Variants in TMEM176B observed in about 807,000 individuals in gnomAD.
TMEM176B encodes the protein transmembrane protein 176B.
Under a neutral mutation model 30.3 loss-of-function variants are expected in TMEM176B, and 28 were observed. That is an observed-to-expected ratio of 0.92 (90% CI 0.68 to 1.27). TMEM176B has a LOEUF of 1.27. Among genes scored for constraint, TMEM176B ranks in the 50% most tolerant of loss-of-function variants. The pLI is 0.00. For missense variants in TMEM176B, 349 were observed against 327.4 expected (o/e 1.07, Z -0.51); for synonymous variants, 123 against 130.3 (o/e 0.94, Z 0.38).
At chr7:150,799,886 C>A (rs767187858) in intron 1 of TMEM176B, 90 of 152,624 alleles carry the variant, frequency 5.9e-4, no homozygotes, top group Non-Finnish European at 3.1e-4. Context: ...GCGGGCCGCC[C>A]GACGCCTGGT....
Position 150,791,479 on chromosome 7 carries a change from C to G in TMEM176B, c.*52G>C, listed in dbSNP as rs1335221277. ...GTGTGAGGAGCCAGGAGTGGGGGCC[C>G]TGGGCTGCCCTAGACAGGGACATGC... On this transcript the variant is annotated 3_prime_UTR_variant, in exon 7 of 7. Coordinates refer to ENST00000326442, the MANE Select transcript of TMEM176B (RefSeq NM_001101312.2). The G allele has an allele frequency of 1.3e-6, 2 of 1,531,362 alleles. No homozygotes were observed. Among genetic ancestry groups the G allele is most frequent in the Non-Finnish European group, 1.8e-6 (2 of 1,116,112 alleles). The allele number at this position is 1,531,362 out of a possible 1,614,324, so 94.9% of individuals were successfully genotyped here.
At chr7:150,792,242 C>T in intron 5 of TMEM176B, 67 bp from the exon 6 acceptor site, 9 of 1,589,318 alleles carry the variant, frequency 5.7e-6, no homozygotes, top group Admixed American at 1.7e-5. Flanking sequence ...CATCACCACC[C>T]TCTCCACCCA....
intron 1 of TMEM176B, among the ~76,000 whole-genome samples, chr7:150,799,010 C>A (rs747080380): frequency 6.6e-6 from 1 of 152,094 alleles, no homozygotes; most frequent in African/African-American, 2.4e-5. Flanking sequence ...AGGACTTCCC[C>A]GTTTCGAGAT....
chr7:150,792,194 C>G lies in TMEM176B; in HGVS notation c.601-19G>C. 6.2e-7 allele frequency: 1 copy of G among 1,611,658 alleles called. No individual in the cohort carries two copies. The highest frequency in any genetic ancestry group is 8.5e-7 in the Non-Finnish European group (1 of 1,178,766). On this transcript the variant is annotated intron_variant, in intron 5 of 6. Transcript: ENST00000326442. ...ACAACTTCTGGAGATAAGGGAAGAACAAAGATAGTCAGGTGTCAGCTACTC... is the reference window on the plus strand; with the variant it reads ...ACAACTTCTGGAGATAAGGGAAGAAGAAAGATAGTCAGGTGTCAGCTACTC...
At chr7:150,792,301 T>C in intron 5 of TMEM176B, 126 bp from the exon 6 acceptor site, 1 of 1,288,710 alleles carries the variant, frequency 7.8e-7, no homozygotes, top group Admixed American at 2.2e-5. Flanking sequence ...CAGCTGACTG[T>C]GTTTCCAGCC....
intron 1 of TMEM176B, among the ~76,000 whole-genome samples, chr7:150,798,817 C>CGTTTT (rs1010648034): frequency 6.6e-6 from 1 of 151,998 alleles, no homozygotes; most frequent in Non-Finnish European, 1.5e-5. Flanking sequence ...GTCCTTGTTT[C>CGTTTT]GTTTTGTTTT....
chr7:150,797,560 C>G (rs1356745424), intron 1 of TMEM176B, among the ~76,000 whole-genome samples: 1 of 152,154 alleles, frequency 6.6e-6, no homozygotes, highest in Non-Finnish European at 1.5e-5. Context: ...TGACACAAGT[C>G]CAGGGTTAGA....
chr7:150,793,954 TACTC>T lies in TMEM176B; in HGVS notation c.315+3_315+6del, dbSNP rs1798418726. ...CCCTCCAGGCTCACAGCCTGTTCCT[TACTC>T]ACCACAGACCCCGCCCAGAAGGCAC... On this transcript the variant is annotated splice_donor_5th_base_variant and intron_variant, in intron 3 of 6. Transcript: ENST00000326442. 1.3e-6 allele frequency: 2 copies of T among 1,591,172 alleles called. No homozygotes were observed. Among genetic ancestry groups the T allele is most frequent in the East Asian group, 4.5e-5 (2 of 44,810 alleles).
chr7:150,794,028 A>T lies in TMEM176B; in HGVS notation c.248T>A (p.Val83Glu), dbSNP rs760262322. The change falls in exon 3 of 7, where the codon GTG becomes GAG. Residue 83 changes from valine to glutamate, a missense_variant. Coordinates refer to ENST00000326442, the MANE Select transcript of TMEM176B (RefSeq NM_001101312.2). ...LLGVVSCVLG[V>E]CLSLGPWTVL... is the part of the protein sequence containing the mutation. ...AGTCCAGGGCCCCAAGCTGAGACAC[A>T]CTCCAAGAACACAACTCACAACCCC... The T allele has an allele frequency of 6.2e-7, 1 of 1,613,860 alleles. No individual in the cohort carries two copies. The highest frequency in any genetic ancestry group is 1.7e-5 in the Admixed American group (1 of 59,972).
At chr7:150,791,701 A>G in intron 6 of TMEM176B, 78 bp from the exon 7 acceptor site, 2 of 1,312,500 alleles carry the variant, frequency 1.5e-6, no homozygotes, top group Admixed American at 4.4e-5. Context: ...CAGAAAGCAG[A>G]AAGAGGAAAG....
chr7:150,799,871 C>A (rs893664576), intron 1 of TMEM176B, among the ~76,000 whole-genome samples: 2 of 152,244 alleles, frequency 1.3e-5, no homozygotes, highest in East Asian at 3.9e-4. Flanking sequence ...CACGGAGATT[C>A]CCCTGCGGGC....
intron 1 of TMEM176B, among the ~76,000 whole-genome samples, chr7:150,799,774 C>T (rs1404365309): frequency 6.6e-6 from 1 of 152,164 alleles, no homozygotes; most frequent in Non-Finnish European, 1.5e-5. Flanking sequence ...CTCCGGGCCC[C>T]CAGGACCACC....
chr7:150,791,915 G>A, intron 6 of TMEM176B, 141 bp downstream of exon 6: 3 of 1,275,870 alleles, frequency 2.4e-6, no homozygotes, highest in Non-Finnish European at 3.2e-6. Context: ...GACAGCAAAG[G>A]GGAGAGCTGC....
intron 1 of TMEM176B, among the ~76,000 whole-genome samples, chr7:150,797,258 C>T (rs867833595): frequency 1.3e-5 from 2 of 152,168 alleles, no homozygotes; most frequent in South Asian, 2.1e-4. Context: ...CAAATAGCAG[C>T]ATACTATACA....
intron 1 of TMEM176B, among the ~76,000 whole-genome samples, chr7:150,797,235 C>A (rs761245744): frequency 3.3e-5 from 5 of 152,166 alleles, no homozygotes; most frequent in Non-Finnish European, 2.9e-5. Flanking sequence ...AGTATTTCTG[C>A]CCCCTTTTCC....
At position 150,793,139 on chromosome 7, in the gene TMEM176B, T is replaced by G. The variant is rs778460696; in HGVS notation, c.549A>C (p.Gln183His). The G allele has an allele frequency of 2.5e-6, 4 of 1,614,190 alleles. No individual in the cohort carries two copies. The highest frequency in any genetic ancestry group is 3.4e-6 in the Non-Finnish European group (4 of 1,180,044). Residue 183 changes from glutamine to histidine, a missense_variant, in exon 5 of 7, where the codon CAA becomes CAC. Coordinates refer to ENST00000326442, the MANE Select transcript of TMEM176B (RefSeq NM_001101312.2). ...TTGYRWMRRS[Q>H]ENQWQKEECR... ...ACTCCTCCTTCTGCCATTGGTTCTC[T>G]TGACTTCGCCGCATCCATCTGTACC...
chr7:150,798,555 G>C (rs569758347), intron 1 of TMEM176B, among the ~76,000 whole-genome samples: 41 of 152,140 alleles, frequency 2.7e-4, no homozygotes, highest in South Asian at 1.2e-3. Context: ...GATTACAGGC[G>C]TGAGCCACCG....
intron 5 of TMEM176B, among the ~76,000 whole-genome samples, chr7:150,792,744 A>G (rs1798363919): frequency 1.3e-5 from 2 of 152,188 alleles, no homozygotes; most frequent in South Asian, 4.1e-4. Flanking sequence ...AACTCACAGC[A>G]CCGTGAGAAA....
intron 1 of TMEM176B, 92 bp from the exon 2 acceptor site, chr7:150,796,666 G>A: frequency 7.7e-7 from 1 of 1,294,012 alleles, no homozygotes; most frequent in Admixed American, 2.0e-5. Context: ...TAGTGTCTTT[G>A]TCAAGATCCC....
Sources: allele counts gnomAD v4.1 joint callset (sites outside exome capture counted in the v4.1 genomes callset), GRCh38; gene constraint gnomAD v4.1.1; transcripts MANE v1.5; gene names NCBI Gene and HGNC (gene_info 2026-07-23, HGNC 2026-07-21).